Variants in MORC3 observed in about 807,000 individuals in gnomAD.
MORC3 encodes MORC family CW-type zinc finger protein 3.
Under a neutral mutation model 109.1 loss-of-function variants are expected in MORC3, and 31 were observed. That is an observed-to-expected ratio of 0.28 (90% CI 0.21 to 0.38). The LOEUF (loss-of-function observed/expected upper bound fraction) is 0.38, where lower values mean the gene tolerates loss of function less well. MORC3 is among the 10% of genes least tolerant of loss of function. The pLI is 1.00. For synonymous variants in MORC3, 395 were observed against 380.7 expected (o/e 1.04, Z -0.44); for missense variants, 867 against 1,135.8 (o/e 0.76, Z 3.40).
chr21:36,321,032 T>C (rs763733062), intron 1 of MORC3, among the ~76,000 whole-genome samples: 4 of 152,242 alleles, frequency 2.6e-5, no homozygotes, highest in Non-Finnish European at 4.4e-5. Flanking sequence ...AAAAAACTTT[T>C]CTACCTTGTG....
chr21:36,330,834 T>C (rs1396966747), intron 1 of MORC3, among the ~76,000 whole-genome samples: 2 of 152,208 alleles, frequency 1.3e-5, no homozygotes, highest in Non-Finnish European at 2.9e-5. Flanking sequence ...AGACTTCTTG[T>C]GCAAGATGAA....
At position 36,341,472 on chromosome 21, in the gene MORC3, A is replaced by G. The variant is rs768456268; in HGVS notation, c.682A>G (p.Ile228Val). 11 of 1,613,986 alleles carry G rather than the reference A, an allele frequency of 6.8e-6. No individual in the cohort carries two copies. The African/African-American group carries it at 1.3e-4, about 20-fold the overall frequency. The change falls in exon 6 of 17, where the codon ATA (isoleucine) becomes GTA (valine). Residue 228 changes from isoleucine (I) to valine (V), a missense_variant. By Grantham distance (29) the Ile-to-Val change is conservative. Coordinates refer to ENST00000400485, the MANE Select transcript of MORC3 (RefSeq NM_015358.3). ...CAGAATTCCCGAGGATTTAGATGAGATAACAGGGAAGAAGGGGTACAAGAA... is the reference window on the plus strand; with the variant it reads ...CAGAATTCCCGAGGATTTAGATGAGGTAACAGGGAAGAAGGGGTACAAGAA... ...DIRIPEDLDEITGKKGYKKQE... is the reference protein window; with the variant it reads ...DIRIPEDLDEVTGKKGYKKQE...
intron 14 of MORC3, among the ~76,000 whole-genome samples, chr21:36,368,750 G>A (rs1445045732): frequency 6.6e-6 from 1 of 152,246 alleles, no homozygotes; most frequent in East Asian, 1.9e-4. Context: ...GGTGGCGGGT[G>A]CCTGTAATCC....
At chr21:36,359,208 A>G (rs979285340) in intron 10 of MORC3, among the ~76,000 whole-genome samples, 3 of 152,226 alleles carry the variant, frequency 2.0e-5, no homozygotes, top group African/African-American at 4.8e-5. Flanking sequence ...CATTTGAAAT[A>G]TTAAGTTATA....
chr21:36,353,436 G>C (rs1007417401), intron 9 of MORC3, among the ~76,000 whole-genome samples: 1 of 150,334 alleles, frequency 6.7e-6, no homozygotes, highest in Non-Finnish European at 1.5e-5. Flanking sequence ...TGTAATCCCA[G>C]CCCTTTGGAA....
chr21:36,359,025 GTATACTAA>G (rs2085681259), intron 10 of MORC3, among the ~76,000 whole-genome samples: 1 of 152,082 alleles, frequency 6.6e-6, no homozygotes, highest in African/African-American at 2.4e-5. Flanking sequence ...TAAACTAAAA[GTATACTAA>G]TTTTAGTTAT....
intron 12 of MORC3, among the ~76,000 whole-genome samples, chr21:36,361,091 A>G (rs534401745): frequency 8.6e-5 from 13 of 151,098 alleles, no homozygotes; most frequent in African/African-American, 3.2e-4. Context: ...AAAAAAAGAT[A>G]GTGGAAGTGG....
At chr21:36,366,152 CA>C (rs1167141157) in intron 14 of MORC3, among the ~76,000 whole-genome samples, 1 of 152,090 alleles carries the variant, frequency 6.6e-6, no homozygotes, top group East Asian at 1.9e-4. Context: ...GCATAGTACC[CA>C]ATATGTAGTT....
chr21:36,337,662 T>C (rs2085389270), intron 3 of MORC3, 70 bp from the exon 4 acceptor site: 4 of 1,064,246 alleles, frequency 3.8e-6, no homozygotes, highest in South Asian at 2.1e-5. Context: ...AAAAAGATTA[T>C]AGGTATTTAT....
chr21:36,341,413 C>T lies in MORC3; in HGVS notation c.623C>T (p.Thr208Ile), dbSNP rs2085444159. Reference protein sequence around the residue: ...IWNLRSYKNATEFDFEKDKYD... With the variant: ...IWNLRSYKNAIEFDFEKDKYD... The stretch of plus-strand genomic sequence containing the variant: ...TATTTTTACAGCTACAAAAATGCAA[C>T]AGAGTTCGATTTTGAAAAGGATAAA... The change falls in exon 6 of 17, where the codon ACA becomes ATA. Residue 208 changes from threonine to isoleucine, a missense_variant. Around this residue, in one of 7 missense-constraint regions of MORC3, gnomAD observed 134 missense variants for 166.6 expected, o/e 0.80. Transcript: ENST00000400485. 1 of 1,597,764 alleles carries T rather than the reference C, an allele frequency of 6.3e-7. No homozygotes were observed. The highest frequency in any genetic ancestry group is 8.5e-7 in the Non-Finnish European group (1 of 1,176,288).
chr21:36,374,955 C>A (rs1354801121), intron 16 of MORC3, among the ~76,000 whole-genome samples, 188 bp from the exon 17 acceptor site: 5 of 152,202 alleles, frequency 3.3e-5, no homozygotes, highest in African/African-American at 1.2e-4. Flanking sequence ...CAGGCATGGG[C>A]AAGTGCACCT....
rs1368553606 is a variant in MORC3 at position 36,333,793 on chromosome 21, T to G, written c.112+75T>G. The G allele has an allele frequency of 8.5e-6, 11 of 1,288,024 alleles. No homozygotes were observed. The East Asian group carries it at 2.1e-4, about 24-fold the overall frequency. The allele number at this position is 1,288,024 out of a possible 1,614,324, so 79.8% of individuals were successfully genotyped here. On this transcript the variant is annotated intron_variant, in intron 2 of 16. Coordinates refer to ENST00000400485, the MANE Select transcript of MORC3 (RefSeq NM_015358.3). The stretch of plus-strand genomic sequence containing the variant: ...TTTTTTTTTTTGTTTTGTTTTGTTT[T>G]TTTTTTTTAAACAGAGTCTCTCTCT...
At chr21:36,367,603 G>C (rs1399843992) in intron 14 of MORC3, among the ~76,000 whole-genome samples, 1 of 152,180 alleles carries the variant, frequency 6.6e-6, no homozygotes, top group South Asian at 2.1e-4. Context: ...TGGGACGTAG[G>C]CACTGGTATG....
chr21:36,345,630 C>T (rs1384461655), intron 8 of MORC3, among the ~76,000 whole-genome samples: 1 of 152,040 alleles, frequency 6.6e-6, no homozygotes, highest in East Asian at 1.9e-4. Context: ...GTGTGTCAGC[C>T]AGCATGGTCT....
intron 1 of MORC3, among the ~76,000 whole-genome samples, chr21:36,324,616 T>C (rs1343659650): frequency 6.6e-6 from 1 of 151,534 alleles, no homozygotes; most frequent in Non-Finnish European, 1.5e-5. Context: ...GCTCACTGCA[T>C]TATCTCTATT....
chr21:36,375,320 T>TA lies in MORC3; in HGVS notation c.*25dup. On this transcript the variant is annotated 3_prime_UTR_variant, in exon 17 of 17. Coordinates refer to ENST00000400485, the MANE Select transcript of MORC3 (RefSeq NM_015358.3). The stretch of plus-strand genomic sequence containing the variant: ...AAAGTATATGTTATGTAAGATAAAA[T>TA]ATTTGCTCAATTCTTTTGGTTGTAC... 1 of 1,582,172 alleles carries TA rather than the reference T, an allele frequency of 6.3e-7. No homozygotes were observed. Among genetic ancestry groups the TA allele is most frequent in the Non-Finnish European group, 8.6e-7 (1 of 1,159,706 alleles).
In MORC3 at chr21:36,359,805, G is replaced by A. The variant is rs55749160; in HGVS notation, c.1209-150G>A. On this transcript the variant is annotated intron_variant, in intron 10 of 16. Coordinates refer to ENST00000400485, the MANE Select transcript of MORC3 (RefSeq NM_015358.3). ...CCTGGGATTATAGGCATGAGCCGTC[G>A]CACCCAGCCTAATTTTGAAAGAGTT... 2.5e-4 allele frequency: 280 copies of A among 1,107,402 alleles called. No individual in the cohort carries two copies. In the East Asian group the frequency reaches 5.9e-3, roughly 23 times the overall value. The allele number at this position is 1,107,402 out of a possible 1,614,324, so 68.6% of individuals were successfully genotyped here.
At chr21:36,352,734 C>T (rs73381601) in intron 9 of MORC3, among the ~76,000 whole-genome samples, 12,892 of 152,016 alleles carry the variant, frequency 0.085, 1,712 homozygotes, top group African/African-American at 0.29. Flanking sequence ...ACTGACTACC[C>T]CTCAGTCAAA....
intron 10 of MORC3, among the ~76,000 whole-genome samples, chr21:36,358,705 A>G (rs2146326612): frequency 6.6e-6 from 1 of 152,156 alleles, no homozygotes; most frequent in African/African-American, 2.4e-5. Flanking sequence ...TTTGAGGTAG[A>G]GGCTTGCTCT....
Sources: gnomAD v4.1 joint callset for allele counts (sites outside exome capture counted in the v4.1 genomes callset) on GRCh38, gnomAD v4.1.1 for gene constraint, gnomAD v4.1.1 regional missense constraint, MANE v1.5 for transcripts, NCBI Gene and HGNC (gene_info 2026-07-23, HGNC 2026-07-21) for gene names.